ITGBL1: variants seen among roughly 807,000 people sequenced by gnomAD.
ITGBL1 encodes the protein integrin beta-like protein 1.
In ITGBL1, 51 loss-of-function variants were observed where a neutral mutation model predicts 68.5. The observed-to-expected ratio is 0.74, with a 90% confidence interval of 0.59 to 0.94. The LOEUF (loss-of-function observed/expected upper bound fraction) is 0.94. Ranked by LOEUF, ITGBL1 falls within the 40% of genes least tolerant of loss-of-function variation. ITGBL1 has a pLI of 0.00. For missense variants in ITGBL1, 649 were observed against 647.4 expected (o/e 1.00, Z -0.03); for synonymous variants, 209 against 227.3 (o/e 0.92, Z 0.72).
chr13:101,686,366 G>T (rs2033755295), intron 7 of ITGBL1, among the ~76,000 whole-genome samples: 1 of 152,084 alleles, frequency 6.6e-6, no homozygotes, highest in East Asian at 1.9e-4. Context: ...ATTTTTCATG[G>T]ATTATGCTGA....
chr13:101,627,437 C>T (rs112072096), intron 7 of ITGBL1, among the ~76,000 whole-genome samples: 5 of 152,188 alleles, frequency 3.3e-5, no homozygotes, highest in African/African-American at 1.2e-4. Flanking sequence ...GGTTACAAGT[C>T]AGGAACCTAC....
Position 101,628,392 on chromosome 13 carries a change from A to G in ITGBL1, c.1015+30093A>G, listed in dbSNP as rs959490523. ...AATATTTTCTCCTTGTCTATGACTTATCTTTTTGTTCTCTTGATATTTCTT... is the reference window on the plus strand; with the variant it reads ...AATATTTTCTCCTTGTCTATGACTTGTCTTTTTGTTCTCTTGATATTTCTT... On this transcript the variant is annotated intron_variant, in intron 7 of 10. Coordinates refer to ENST00000376180, the MANE Select transcript of ITGBL1 (RefSeq NM_004791.3). Among the ~76,000 whole-genome samples the G allele has an allele frequency of 3.3e-5, 5 of 150,048 alleles. No homozygotes were observed. The East Asian group carries it at 9.8e-4, about 29-fold the overall frequency.
At chr13:101,692,977 T>G (rs2033917000) in intron 8 of ITGBL1, 2 of 286,668 alleles carry the variant, frequency 7.0e-6, no homozygotes. Context: ...TGAAAGGTTT[T>G]GGGGCAAGTC....
intron 2 of ITGBL1, among the ~76,000 whole-genome samples, chr13:101,487,939 A>G (rs945460494): frequency 1.3e-5 from 2 of 152,198 alleles, no homozygotes; most frequent in Admixed American, 1.3e-4. Flanking sequence ...TGAAACTGGC[A>G]CAGGGGGCCT....
intron 2 of ITGBL1, among the ~76,000 whole-genome samples, chr13:101,497,865 T>C (rs939185745): frequency 1.2e-4 from 18 of 151,986 alleles, no homozygotes; most frequent in Non-Finnish European, 2.4e-4. Context: ...GATAATTTTT[T>C]TTTTTTTTAC....
intron 7 of ITGBL1, among the ~76,000 whole-genome samples, chr13:101,672,884 C>T (rs193198756): frequency 1.3e-5 from 2 of 152,314 alleles, no homozygotes; most frequent in East Asian, 1.9e-4. Flanking sequence ...GATGCCACTT[C>T]ACTTGTAGGT....
intron 7 of ITGBL1, among the ~76,000 whole-genome samples, chr13:101,643,514 G>A (rs2032458878): frequency 1.3e-5 from 2 of 152,124 alleles, no homozygotes; most frequent in South Asian, 2.1e-4. Context: ...CTGCAAACAG[G>A]GACAAAGAGG....
In ITGBL1 at chr13:101,528,791, G is replaced by A. The variant is rs189389621; in HGVS notation, c.317-38908G>A. Among the ~76,000 whole-genome samples the A allele has an allele frequency of 6.6e-5, 10 of 151,998 alleles. No individual in the cohort carries two copies. In the East Asian group the frequency reaches 1.5e-3, roughly 24 times the overall value. On this transcript the variant is annotated intron_variant, in intron 2 of 10. Transcript: ENST00000376180. ...TCTGAACTTCAAAATTATGGATCAA[G>A]TAATTTTCTATAAAAATAAGCATAG...
chr13:101,506,829 C>T (rs1406696545), intron 2 of ITGBL1, among the ~76,000 whole-genome samples: 1 of 152,078 alleles, frequency 6.6e-6, no homozygotes, highest in Non-Finnish European at 1.5e-5. Context: ...CCCATTGTGA[C>T]ATGAAAACAA....
intron 2 of ITGBL1, among the ~76,000 whole-genome samples, chr13:101,485,427 A>G (rs370605925): frequency 7.5e-5 from 11 of 147,030 alleles, no homozygotes; most frequent in African/African-American, 9.7e-5. Flanking sequence ...GCTAACAAAC[A>G]TATGAAAAAA....
chr13:101,521,383 C>G (rs1240918371), intron 2 of ITGBL1, among the ~76,000 whole-genome samples: 1 of 152,048 alleles, frequency 6.6e-6, no homozygotes, highest in Non-Finnish European at 1.5e-5. Flanking sequence ...GTGATAAATA[C>G]TACAGAAAAA....
intron 2 of ITGBL1, among the ~76,000 whole-genome samples, chr13:101,478,914 T>C (rs1009647307): frequency 1.3e-5 from 2 of 152,024 alleles, no homozygotes; most frequent in Non-Finnish European, 2.9e-5. Context: ...AAATGTAATC[T>C]CTATCAAAAT....
chr13:101,553,450 G>T (rs762251930), intron 2 of ITGBL1, among the ~76,000 whole-genome samples: 17 of 152,038 alleles, frequency 1.1e-4, no homozygotes, highest in Non-Finnish European at 2.1e-4. Context: ...ACTCAGAAAC[G>T]CAAAATGATA....
chr13:101,681,551 T>G (rs917085876), intron 7 of ITGBL1, among the ~76,000 whole-genome samples: 1 of 152,200 alleles, frequency 6.6e-6, no homozygotes, highest in African/African-American at 2.4e-5. Flanking sequence ...GGCGACTGTG[T>G]CTGTCTTGTT....
At chr13:101,669,877 A>G (rs2033316150) in intron 7 of ITGBL1, among the ~76,000 whole-genome samples, 1 of 152,192 alleles carries the variant, frequency 6.6e-6, no homozygotes, top group Admixed American at 6.5e-5. Context: ...CTCACTGCAC[A>G]TAATTTGCAG....
chr13:101,645,892 C>G (rs1030581409), intron 7 of ITGBL1, among the ~76,000 whole-genome samples: 4 of 152,102 alleles, frequency 2.6e-5, no homozygotes, highest in Admixed American at 6.6e-5. Context: ...GGGGAAAAAT[C>G]CTAGTATTTA....
At chr13:101,573,522 T>C (rs2050306434) in intron 3 of ITGBL1, among the ~76,000 whole-genome samples, 1 of 152,146 alleles carries the variant, frequency 6.6e-6, no homozygotes, top group South Asian at 2.1e-4. Context: ...GAATATACTC[T>C]ATATCTTAAT....
intron 3 of ITGBL1, among the ~76,000 whole-genome samples, chr13:101,573,658 T>C (rs1293616187): frequency 1.3e-5 from 2 of 152,158 alleles, no homozygotes; most frequent in Admixed American, 6.6e-5. Context: ...GAAGCAGAGA[T>C]TATTTGCAGA....
At chr13:101,684,282 C>G (rs899991694) in intron 7 of ITGBL1, among the ~76,000 whole-genome samples, 2 of 151,928 alleles carry the variant, frequency 1.3e-5, no homozygotes, top group Admixed American at 6.6e-5. Flanking sequence ...GCCCTGATAT[C>G]TATTTCAAAA....
Sources: gnomAD v4.1 joint callset for allele counts (sites outside exome capture counted in the v4.1 genomes callset) on GRCh38, gnomAD v4.1.1 for gene constraint, MANE v1.5 for transcripts, NCBI Gene and HGNC (gene_info 2026-07-23, HGNC 2026-07-21) for gene names.